KAT2A: variants seen among roughly 807,000 people sequenced by gnomAD.
KAT2A encodes the protein histone acetyltransferase KAT2A.
A neutral mutation model predicts 95.2 loss-of-function variants in KAT2A; 42 were observed. That is an observed-to-expected ratio of 0.44 (90% confidence interval 0.34 to 0.57). The LOEUF (loss-of-function observed/expected upper bound fraction) is 0.57, where lower values mean the gene tolerates loss of function less well. Ranked by LOEUF, KAT2A falls within the 20% of genes least tolerant of loss-of-function variation. The probability of loss-of-function intolerance (pLI) is 0.01; values close to 1 mark genes in which losing one functional copy is unlikely to be tolerated. For synonymous variants in KAT2A, 449 were observed against 448.2 expected (o/e 1.00, Z -0.02); for missense variants, 784 against 1,126.3 (o/e 0.70, Z 4.35).
At position 42,113,681 on chromosome 17, in the gene KAT2A, T is replaced by C; in HGVS notation, c.2482A>G (p.Lys828Glu). 1 of 1,611,308 alleles carries C rather than the reference T, an allele frequency of 6.2e-7. No individual in the cohort carries two copies. The highest frequency in any genetic ancestry group is 1.1e-5 in the South Asian group (1 of 90,822). Residue 828 changes from lysine to glutamate, a missense_variant, in exon 18 of 18, where the codon AAG (lysine) becomes GAG (glutamate). Physicochemically the swap from Lys to Glu is moderately conservative, Grantham distance 56. Transcript: ENST00000225916. The stretch of plus-strand genomic sequence containing the variant: ...TCAATGAGGCCTCCCTCCTTGAGCT[T>C]GAAGTAGAAGAACTTCTCCAGGGCG... ...ASALEKFFYFKLKEGGLIDK is the reference protein window; with the variant it reads ...ASALEKFFYFELKEGGLIDK
At position 42,118,006 on chromosome 17, in the gene KAT2A, C is replaced by A; in HGVS notation, c.1192G>T (p.Ala398Ser). The A allele has an allele frequency of 6.3e-7, 1 of 1,591,540 alleles. No individual in the cohort carries two copies. Among genetic ancestry groups the A allele is most frequent in the South Asian group, 1.1e-5 (1 of 88,828 alleles). The part of the protein sequence containing the change: ...QLVPRPASVS[A>S]AVVPSTPIFS... ...ATGGGGGTGCTGGGAACAACCGCTG[C>A]ACTGACTGAAGCTGAGGAGAGAGAG... The change falls in exon 8 of 18, where the codon GCA becomes TCA. Residue 398 changes from alanine to serine, a missense_variant. Ala to Ser is a moderately conservative substitution (Grantham distance 99, BLOSUM62 1). Transcript: ENST00000225916.
intron 12 of KAT2A, 112 bp from the exon 13 acceptor site, chr17:42,115,147 C>T (rs1555665718): frequency 9.3e-7 from 1 of 1,075,582 alleles, no homozygotes; most frequent in Non-Finnish European, 1.4e-6. Flanking sequence ...ACCTCCTGCT[C>T]CTGAACCTCC....
intron 12 of KAT2A, 33 bp from the exon 13 acceptor site, chr17:42,115,068 C>A: frequency 6.2e-7 from 1 of 1,607,398 alleles, no homozygotes; most frequent in Non-Finnish European, 8.5e-7. Flanking sequence ...CCAGTCCATC[C>A]ATAAGTATTT....
chr17:42,117,822 G>A lies in KAT2A; in HGVS notation c.1292-8C>T. 1 of 1,613,448 alleles carries A rather than the reference G, an allele frequency of 6.2e-7. No homozygotes were observed. Among genetic ancestry groups the A allele is most frequent in the Non-Finnish European group, 8.5e-7 (1 of 1,179,528 alleles). ...GGAGCGTCCTCTTCTCGCCTATTGG[G>A]GAGGCAGGCAAGGTTGCTCAGGATC... On this transcript the variant is annotated splice_region_variant and splice_polypyrimidine_tract_variant and intron_variant, in intron 8 of 17. Transcript: ENST00000225916. This position sits in a 1 kb window ranked among gnomAD's most constrained non-coding sequence, Gnocchi z 8.9.
At position 42,121,268 on chromosome 17, in the gene KAT2A, C is replaced by T. The variant is rs1221568053; in HGVS notation, c.37G>A (p.Ala13Thr). 5 of 1,368,780 alleles carry T rather than the reference C, an allele frequency of 3.7e-6. No homozygotes were observed. The highest frequency in any genetic ancestry group is 4.7e-6 in the Non-Finnish European group (5 of 1,064,080). 84.8% of individuals were successfully genotyped at this position (1,368,780 alleles called of 1,614,324 possible). Residue 13 changes from alanine to threonine, a missense_variant, in exon 1 of 18, where the codon GCT (alanine) becomes ACT (threonine). By Grantham distance (58) the Ala-to-Thr change is moderately conservative. Around this residue, in one of 6 missense-constraint regions of KAT2A, gnomAD observed 142 missense variants for 123.2 expected, o/e 1.15. Coordinates refer to ENST00000225916, the MANE Select transcript of KAT2A (RefSeq NM_021078.3). Reference protein sequence around the residue: ...EPSQAPTPAPAAQPRPLQSPA... With the variant: ...EPSQAPTPAPTAQPRPLQSPA... ...GACTGAAGGGGCCGGGGCTGCGCAGCCGGGGCCGGGGTCGGGGCCTGGGAA... is the reference window on the plus strand; with the variant it reads ...GACTGAAGGGGCCGGGGCTGCGCAGTCGGGGCCGGGGTCGGGGCCTGGGAA...
At position 42,117,741 on chromosome 17, in the gene KAT2A, G is replaced by A. The variant is rs1555666340; in HGVS notation, c.1365C>T (p.Pro455=). 1 of 1,613,962 alleles carries A rather than the reference G, an allele frequency of 6.2e-7. No homozygotes were observed. Among genetic ancestry groups the A allele is most frequent in the Admixed American group, 1.7e-5 (1 of 60,024 alleles). Reference sequence around the variant, plus strand: ...GCATGACCTCATTGACCAGCTCCATGGGGATGTCACCCATCACACGGAGCC... The same window carrying A: ...GCATGACCTCATTGACCAGCTCCATAGGGATGTCACCCATCACACGGAGCC... ...AKRLRVMGDI[P]MELVNEVMLT... Residue 455 remains proline, a synonymous_variant, in exon 9 of 18, where the codon CCC becomes CCT. Coordinates refer to ENST00000225916, the MANE Select transcript of KAT2A (RefSeq NM_021078.3). This position sits in a 1 kb window ranked among gnomAD's most constrained non-coding sequence, Gnocchi z 8.9.
rs1270245411 is a variant in KAT2A at position 42,113,787 on chromosome 17, G to T, written c.2376C>A (p.Leu792=). Residue 792 remains leucine, a synonymous_variant, in exon 18 of 18, where the codon CTC becomes CTA. Transcript: ENST00000225916. The part of the protein sequence containing the change: ...LRSRYYVTRK[L]FVADLQRVIA... ...TGACCCGCTGCAGGTCGGCCACAAA[G>T]AGCTTCCGGGTCACGTAGTAGCGGC... 2.5e-6 allele frequency: 4 copies of T among 1,608,218 alleles called. No individual in the cohort carries two copies. The highest frequency in any genetic ancestry group is 2.5e-6 in the Non-Finnish European group (3 of 1,178,090).
Position 42,117,257 on chromosome 17 carries a change from A to C in KAT2A, c.1638-96T>G. On this transcript the variant is annotated intron_variant, in intron 10 of 17. Transcript: ENST00000225916. This position sits in a 1 kb window ranked among gnomAD's most constrained non-coding sequence, Gnocchi z 8.9. Reference sequence around the variant, plus strand: ...GCTGTAGTCAGGGTTGGGCAGTGAGAAGTAAGAATGCTCAAAGGATGAACC... The same window carrying C: ...GCTGTAGTCAGGGTTGGGCAGTGAGCAGTAAGAATGCTCAAAGGATGAACC... The C allele has an allele frequency of 6.4e-7, 1 of 1,567,608 alleles. No homozygotes were observed. The highest frequency in any genetic ancestry group is 8.7e-7 in the Non-Finnish European group (1 of 1,147,656).
intron 6 of KAT2A, 50 bp from the exon 7 acceptor site, chr17:42,118,453 C>A (rs368656460): frequency 1.5e-6 from 2 of 1,348,558 alleles, no homozygotes; most frequent in African/African-American, 1.4e-5. Flanking sequence ...CAGGGTGCAG[C>A]CTGGGCCAGG....
Position 42,119,816 on chromosome 17 carries a change from G to A in KAT2A, c.700-98C>T. The A allele has an allele frequency of 8.8e-7, 1 of 1,135,916 alleles. No individual in the cohort carries two copies. Among genetic ancestry groups the A allele is most frequent in the Non-Finnish European group, 1.2e-6 (1 of 800,784 alleles). The allele number at this position is 1,135,916 out of a possible 1,614,324, so 70.4% of individuals were successfully genotyped here. A position where few individuals can be genotyped will look rare whatever the true frequency, so the allele number is the denominator to read the frequency against. On this transcript the variant is annotated intron_variant, in intron 4 of 17. Transcript: ENST00000225916. The surrounding 1 kb of genome is among the most constrained non-coding windows in gnomAD (Gnocchi z 5.3). ...GAAGATGCTCCCTGGCCAGGGACAAGGTTCTCCTTCTCCTCTCTCTCTCGG... is the reference window on the plus strand; with the variant it reads ...GAAGATGCTCCCTGGCCAGGGACAAAGTTCTCCTTCTCCTCTCTCTCTCGG...
chr17:42,118,181 TG>T, intron 7 of KAT2A, 115 bp downstream of exon 7: 1 of 872,162 alleles, frequency 1.1e-6, no homozygotes, highest in South Asian at 1.6e-5. Context: ...CTGAAGCCGG[TG>T]GCAGGTCCCT....
chr17:42,114,830 G>A lies in KAT2A; in HGVS notation c.2019+62C>T, dbSNP rs1311704257. The A allele has an allele frequency of 6.4e-7, 1 of 1,554,866 alleles. No homozygotes were observed. The highest frequency in any genetic ancestry group is 1.4e-5 in the African/African-American group (1 of 73,860). On this transcript the variant is annotated intron_variant, in intron 13 of 17. Coordinates refer to ENST00000225916, the MANE Select transcript of KAT2A (RefSeq NM_021078.3). The surrounding 1 kb of genome is among the most constrained non-coding windows in gnomAD (Gnocchi z 6.0). Reference sequence around the variant, plus strand: ...AGACGTAGAACAGGTCTACACACGTGTGCTCGCCCTCTGCATGCCCATTCA... The same window carrying A: ...AGACGTAGAACAGGTCTACACACGTATGCTCGCCCTCTGCATGCCCATTCA...
At position 42,113,977 on chromosome 17, in the gene KAT2A, G is replaced by A. The variant is rs192089903; in HGVS notation, c.2320+23C>T. On this transcript the variant is annotated intron_variant, in intron 17 of 17. Transcript: ENST00000225916. Reference sequence around the variant, plus strand: ...GTGTGGGGACAGAAGAGGAGGGAAGGGGATGGAATGGAAGGTCCTCACCAA... The same window carrying A: ...GTGTGGGGACAGAAGAGGAGGGAAGAGGATGGAATGGAAGGTCCTCACCAA... The A allele has an allele frequency of 2.3e-4, 349 of 1,501,574 alleles. 3 individuals are homozygous for A. The East Asian group carries it at 6.4e-3, about 28-fold the overall frequency. The allele number at this position is 1,501,574 out of a possible 1,614,324, so 93.0% of individuals were successfully genotyped here.
chr17:42,118,323 T>C lies in KAT2A; in HGVS notation c.1154A>G (p.Glu385Gly). 1.2e-6 allele frequency: 2 copies of C among 1,613,648 alleles called. No individual in the cohort carries two copies. Among genetic ancestry groups the C allele is most frequent in the Non-Finnish European group, 1.7e-6 (2 of 1,179,566 alleles). Residue 385 changes from glutamate (E) to glycine (G), a missense_variant, in exon 7 of 18, where the codon GAG (glutamate) becomes GGG (glycine). Physicochemically the swap from Glu to Gly is moderately conservative, Grantham distance 98. This residue lies in a region of KAT2A where 63 missense variants were observed against 70.1 expected (regional missense o/e 0.90). Coordinates refer to ENST00000225916, the MANE Select transcript of KAT2A (RefSeq NM_021078.3). ...TGGCCGGGGAACCAGCTGTGTCCCC[T>C]CTGAGGGTGGCATGGTGAAGCCTGA... ...WESGFTMPPS[E>G]GTQLVPRPAS...
chr17:42,117,356 G>A lies in KAT2A; in HGVS notation c.1637+32C>T, dbSNP rs1236860878. On this transcript the variant is annotated intron_variant, in intron 10 of 17. Coordinates refer to ENST00000225916, the MANE Select transcript of KAT2A (RefSeq NM_021078.3). This position sits in a 1 kb window ranked among gnomAD's most constrained non-coding sequence, Gnocchi z 8.9. ...GAGGAGGAAGGGAACTGGGTGTGCTGCCCTGGGGGAGGGGCTCTCTGGGGG... is the reference window on the plus strand; with the variant it reads ...GAGGAGGAAGGGAACTGGGTGTGCTACCCTGGGGGAGGGGCTCTCTGGGGG... The A allele has an allele frequency of 1.2e-6, 2 of 1,607,274 alleles. No individual in the cohort carries two copies. Among genetic ancestry groups the A allele is most frequent in the Non-Finnish European group, 1.7e-6 (2 of 1,174,852 alleles).
chr17:42,119,231 A>C lies in KAT2A; in HGVS notation c.1073+14T>G. On this transcript the variant is annotated intron_variant, in intron 6 of 17. Coordinates refer to ENST00000225916, the MANE Select transcript of KAT2A (RefSeq NM_021078.3). The surrounding 1 kb of genome is among the most constrained non-coding windows in gnomAD (Gnocchi z 5.3). ...ACTTGGGGCCAAATCCTGGTAGGCC[A>C]GAAGGAGCCTTACTTGGGGAAGTGA... is the stretch of plus-strand genomic sequence containing the variant. The C allele has an allele frequency of 6.3e-7, 1 of 1,590,792 alleles. No homozygotes were observed. Among genetic ancestry groups the C allele is most frequent in the Non-Finnish European group, 8.6e-7 (1 of 1,164,910 alleles).
In KAT2A at chr17:42,114,076, G is replaced by T. The variant is rs1555665388; in HGVS notation, c.2244C>A (p.Pro748=). 1 of 1,540,500 alleles carries T rather than the reference G, an allele frequency of 6.5e-7. No individual in the cohort carries two copies. The highest frequency in any genetic ancestry group is 2.4e-5 in the Admixed American group (1 of 41,146). ...CAGGCTCCATGAAGGGCCAGGCACT[G>T]GGGTGAGACTGGAGAGAAGAGCCGG... ...KNLLAQIKSH[P]SAWPFMEPVK... The change falls in exon 17 of 18, where the codon CCC becomes CCA. Residue 748 remains proline, a synonymous_variant. Transcript: ENST00000225916. This position sits in a 1 kb window ranked among gnomAD's most constrained non-coding sequence, Gnocchi z 6.0.
chr17:42,117,860 T>C lies in KAT2A; in HGVS notation c.1292-46A>G. On this transcript the variant is annotated intron_variant, in intron 8 of 17. Coordinates refer to ENST00000225916, the MANE Select transcript of KAT2A (RefSeq NM_021078.3). The surrounding 1 kb of genome is among the most constrained non-coding windows in gnomAD (Gnocchi z 8.9). Reference sequence around the variant, plus strand: ...GTTGCTCAGGATCAGTAAAAAAGGTTTGGGAAGGAGTGAATGAGGGTCAGA... The same window carrying C: ...GTTGCTCAGGATCAGTAAAAAAGGTCTGGGAAGGAGTGAATGAGGGTCAGA... 1 of 1,608,080 alleles carries C rather than the reference T, an allele frequency of 6.2e-7. No homozygotes were observed. The highest frequency in any genetic ancestry group is 8.5e-7 in the Non-Finnish European group (1 of 1,175,838).
rs1255040235 is a variant in KAT2A, at chr17:42,119,090, G to A, written c.1073+155C>T. ...AGACTAGTACTAGCAAGTTGCTTCT[G>A]GGCCATGGGCAAGTCTGCCAGGTAG... is the stretch of plus-strand genomic sequence containing the variant. On this transcript the variant is annotated intron_variant, in intron 6 of 17. Coordinates refer to ENST00000225916, the MANE Select transcript of KAT2A (RefSeq NM_021078.3). The surrounding 1 kb of genome is among the most constrained non-coding windows in gnomAD (Gnocchi z 5.3). 1.0e-5 allele frequency: 15 copies of A among 1,492,474 alleles called. No individual in the cohort carries two copies. The highest frequency in any genetic ancestry group is 5.1e-4 in the Middle Eastern group (2 of 3,930). 92.5% of individuals were successfully genotyped at this position (1,492,474 alleles called of 1,614,324 possible). A position where few individuals can be genotyped will look rare whatever the true frequency, so the allele number is the denominator to read the frequency against.
Sources: allele counts gnomAD v4.1 joint callset, GRCh38; gene constraint gnomAD v4.1.1; regional missense constraint gnomAD v4.1.1; non-coding constraint Gnocchi (gnomAD v3.1); transcripts MANE v1.5; gene names NCBI Gene and HGNC (gene_info 2026-07-23, HGNC 2026-07-21).